The following KCTD16 variants were observed in gnomAD, a reference collection of about 807,000 sequenced individuals.
KCTD16 encodes potassium channel tetramerization domain containing 16.
Under a neutral mutation model 33.2 loss-of-function variants are expected in KCTD16, and 13 were observed. The ratio of observed to expected loss-of-function variants is 0.39; its 90% confidence interval spans 0.25 to 0.62. KCTD16 has a LOEUF of 0.62. Among genes scored for constraint, KCTD16 ranks in the 20% least tolerant of loss-of-function variants. KCTD16 has a pLI of 0.50. For synonymous variants in KCTD16, 197 were observed against 195.3 expected (o/e 1.01, Z -0.07); for missense variants, 441 against 525.1 (o/e 0.84, Z 1.57).
At chr5:144,465,786 G>T (rs349692) in intron 3 of KCTD16, among the ~76,000 whole-genome samples, 64,424 of 130,266 alleles carry the variant, frequency 0.49, 15,149 homozygotes, top group East Asian at 0.66. Flanking sequence ...TAACTTTTTT[G>T]TTTTTTTTTT....
chr5:144,181,842 C>T (rs1246744868), intron 2 of KCTD16, among the ~76,000 whole-genome samples: 1 of 152,092 alleles, frequency 6.6e-6, no homozygotes, highest in African/African-American at 2.4e-5. Flanking sequence ...GCCTGTAATC[C>T]TAGCACTTTG....
intron 3 of KCTD16, among the ~76,000 whole-genome samples, chr5:144,224,954 C>G (rs145136438): frequency 6.6e-4 from 100 of 152,282 alleles, no homozygotes; most frequent in Admixed American, 1.4e-3. Context: ...TAGTATCCAT[C>G]TGGCTTTAAG....
At chr5:144,473,589 C>A in intron 3 of KCTD16, 71 bp from the exon 4 acceptor site, 1 of 1,334,922 alleles carries the variant, frequency 7.5e-7, no homozygotes, top group Non-Finnish European at 1.0e-6. Flanking sequence ...CTGTGTATGT[C>A]CAAGTGCTAT....
chr5:144,387,783 G>A (rs1338628372), intron 3 of KCTD16, among the ~76,000 whole-genome samples: 2 of 152,158 alleles, frequency 1.3e-5, no homozygotes, highest in Non-Finnish European at 2.9e-5. Context: ...TTGCTGCCAG[G>A]TGGACACAGC....
rs371893771 is a variant in KCTD16 at position 144,295,026 on chromosome 5, G to C, written c.832+87480G>C. Among the ~76,000 whole-genome samples the C allele has an allele frequency of 2.0e-5, 3 of 152,320 alleles. No individual in the cohort carries two copies. The East Asian group carries it at 5.8e-4, about 29-fold the overall frequency. On this transcript the variant is annotated intron_variant, in intron 3 of 3. Transcript: ENST00000512467. Reference sequence around the variant, plus strand: ...TTGAGCATTTTCTATACAAAAAGCAGTATGTAAACTGCTGGGGATAGGCAT... The same window carrying C: ...TTGAGCATTTTCTATACAAAAAGCACTATGTAAACTGCTGGGGATAGGCAT...
intron 3 of KCTD16, among the ~76,000 whole-genome samples, chr5:144,239,800 G>T (rs1236193388): frequency 2.0e-5 from 3 of 152,072 alleles, no homozygotes; most frequent in African/African-American, 7.2e-5. Context: ...AGATTTTAAG[G>T]CTGGAAAATC....
In KCTD16 at chr5:144,479,261, C is replaced by G. The variant is rs1754655892; in HGVS notation, c.*5147C>G. On this transcript the variant is annotated 3_prime_UTR_variant, in exon 4 of 4. Transcript: ENST00000512467. ...TGCGCCATTGAACTGCTAAATTTGT[C>G]CAATTTGACTCAATCAGGACTATGA... 1 of 151,072 alleles carries G rather than the reference C, an allele frequency of 6.6e-6. No individual in the cohort carries two copies. The highest frequency in any genetic ancestry group is 2.4e-5 in the African/African-American group (1 of 41,118). The allele number at this position is 151,072 out of a possible 1,614,324, so 9.4% of individuals were successfully genotyped here.
At chr5:144,214,224 A>G (rs943405271) in intron 3 of KCTD16, among the ~76,000 whole-genome samples, 1 of 152,024 alleles carries the variant, frequency 6.6e-6, no homozygotes, top group Non-Finnish European at 1.5e-5. Flanking sequence ...CATCTCCCTC[A>G]GGTCCGTCCT....
chr5:144,332,624 AGAACTTCAAATAGTTCAG>A (rs1217179248), intron 3 of KCTD16, among the ~76,000 whole-genome samples: 1 of 152,220 alleles, frequency 6.6e-6, no homozygotes, highest in Non-Finnish European at 1.5e-5. Context: ...CATATCTCCT[AGAACTTCAAATAGTTCAG>A]TAAGAAATTG....
At chr5:144,387,850 G>GT (rs1238891062) in intron 3 of KCTD16, among the ~76,000 whole-genome samples, 1 of 152,102 alleles carries the variant, frequency 6.6e-6, no homozygotes, top group Non-Finnish European at 1.5e-5. Flanking sequence ...TCATTGAAGA[G>GT]TTTTTTAGAG....
At chr5:144,410,360 A>T (rs570438098) in intron 3 of KCTD16, among the ~76,000 whole-genome samples, 1 of 152,238 alleles carries the variant, frequency 6.6e-6, no homozygotes, top group Non-Finnish European at 1.5e-5. Flanking sequence ...TCTGTAGAAG[A>T]TATAGAAAAC....
Position 144,482,665 on chromosome 5 carries a change from A to G in KCTD16, c.*8551A>G, listed in dbSNP as rs358649. ...GAGGCAGCTTTAGAAAAGAAACTTC[A>G]CCGAAATACGTGCATGCATGTGTGA... On this transcript the variant is annotated 3_prime_UTR_variant, in exon 4 of 4. Transcript: ENST00000512467. 41,546 of 151,578 alleles carry G rather than the reference A, an allele frequency of 0.27. 6,008 individuals carry two copies. The highest frequency in any genetic ancestry group is 0.43 in the South Asian group (2,041 of 4,798). 9.4% of individuals were successfully genotyped at this position (151,578 alleles called of 1,614,324 possible).
At chr5:144,187,980 C>T (rs1444850391) in intron 2 of KCTD16, among the ~76,000 whole-genome samples, 1 of 152,162 alleles carries the variant, frequency 6.6e-6, no homozygotes, top group Non-Finnish European at 1.5e-5. Context: ...ATCTAGTAGA[C>T]AGCACTCTTC....
intron 3 of KCTD16, among the ~76,000 whole-genome samples, chr5:144,398,732 T>TCTCTCTCTCTC (rs773725543): frequency 6.6e-6 from 1 of 151,250 alleles, no homozygotes; most frequent in African/African-American, 2.4e-5. Flanking sequence ...TCTCTCTCTC[T>TCTCTCTCTCTC]TATATAAATG....
chr5:144,185,938 TAAGA>T (rs920121961), intron 2 of KCTD16, among the ~76,000 whole-genome samples: 1 of 152,144 alleles, frequency 6.6e-6, no homozygotes, highest in African/African-American at 2.4e-5. Context: ...GTTTTACTGG[TAAGA>T]TACCTGAGGT....
intron 3 of KCTD16, among the ~76,000 whole-genome samples, chr5:144,393,807 A>C (rs112608444): frequency 0.012 from 1,886 of 152,148 alleles, 37 homozygotes; most frequent in African/African-American, 0.043. Context: ...GGAGAGGCAG[A>C]TTTCATTTCA....
rs942606209 is a variant in KCTD16 at position 144,476,947 on chromosome 5, T to C, written c.*2833T>C. On this transcript the variant is annotated 3_prime_UTR_variant, in exon 4 of 4. Coordinates refer to ENST00000512467, the MANE Select transcript of KCTD16 (RefSeq NM_020768.4). ...TGACAAGGGCCATAAATTGCTAATA[T>C]AAAGAAGTTAGTAGTATTGAGTGGA... 7.2e-5 allele frequency: 11 copies of C among 152,144 alleles called. No individual in the cohort carries two copies. The highest frequency in any genetic ancestry group is 2.7e-4 in the African/African-American group (11 of 41,450). 9.4% of individuals were successfully genotyped at this position (152,144 alleles called of 1,614,324 possible).
intron 3 of KCTD16, among the ~76,000 whole-genome samples, chr5:144,369,003 A>T (rs1751901484): frequency 1.3e-5 from 2 of 152,208 alleles, no homozygotes. Context: ...TGGCCAACTG[A>T]AAATGAGGAC....
At chr5:144,457,751 T>C (rs1473507564) in intron 3 of KCTD16, among the ~76,000 whole-genome samples, 1 of 152,200 alleles carries the variant, frequency 6.6e-6, no homozygotes, top group Non-Finnish European at 1.5e-5. Flanking sequence ...GACAGTCTCA[T>C]TTGATGTAAA....
Sources: gnomAD v4.1 joint callset for allele counts (sites outside exome capture counted in the v4.1 genomes callset) on GRCh38, gnomAD v4.1.1 for gene constraint, MANE v1.5 for transcripts, NCBI Gene and HGNC (gene_info 2026-07-23, HGNC 2026-07-21) for gene names.